CES5A: variants seen among roughly 807,000 people sequenced by gnomAD.
CES5A encodes the protein carboxylesterase 5.
In CES5A, 67 loss-of-function variants were observed where a neutral mutation model predicts 62.9. The observed-to-expected ratio is 1.07, with a 90% confidence interval of 0.88 to 1.31. CES5A has a LOEUF of 1.31. CES5A is among the 50% of genes most tolerant of loss of function. CES5A has a pLI of 0.00. For synonymous variants in CES5A, 296 were observed against 280.8 expected (o/e 1.05, Z -0.54); for missense variants, 748 against 708.5 (o/e 1.06, Z -0.63).
intron 1 of CES5A, among the ~76,000 whole-genome samples, chr16:55,914,483 C>T (rs1262174007): frequency 6.6e-6 from 1 of 152,118 alleles, no homozygotes; most frequent in East Asian, 1.9e-4. Context: ...GAGGCTACGC[C>T]AGGGGATGAA....
chr16:55,896,852 G>C (rs2033939597), intron 1 of CES5A, among the ~76,000 whole-genome samples: 1 of 152,194 alleles, frequency 6.6e-6, no homozygotes, highest in African/African-American at 2.4e-5. Context: ...TTATTATCTT[G>C]TGTAAGGCCC....
intron 1 of CES5A, among the ~76,000 whole-genome samples, chr16:55,914,926 A>C (rs2034130981): frequency 6.6e-6 from 1 of 152,166 alleles, no homozygotes; most frequent in Non-Finnish European, 1.5e-5. Flanking sequence ...GGGAAAGCTC[A>C]GTGACGGGCA....
At chr16:55,945,183 T>C (rs1479886620) in intron 2 of CES5A, among the ~76,000 whole-genome samples, 1 of 150,916 alleles carries the variant, frequency 6.6e-6, no homozygotes, top group African/African-American at 2.5e-5. Context: ...GTACATTATC[T>C]GATTTAATGC....
intron 9 of CES5A, among the ~76,000 whole-genome samples, chr16:55,853,939 T>G (rs2033181521): frequency 6.6e-6 from 1 of 152,110 alleles, no homozygotes; most frequent in African/African-American, 2.4e-5. Context: ...TACACCACAT[T>G]GGGGAATGCT....
intron 2 of CES5A, among the ~76,000 whole-genome samples, chr16:55,872,712 C>T (rs755439174): frequency 6.6e-6 from 1 of 152,176 alleles, no homozygotes; most frequent in African/African-American, 2.4e-5. Context: ...CAGGCCTCAG[C>T]GCTTTCAGCA....
At chr16:55,900,649 G>T (rs1160699377) in intron 1 of CES5A, among the ~76,000 whole-genome samples, 3 of 152,178 alleles carry the variant, frequency 2.0e-5, no homozygotes, top group African/African-American at 4.8e-5. Flanking sequence ...GGCTGAGAAG[G>T]CCCCTGGTGA....
At chr16:55,888,080 C>T (rs1417770748) in intron 1 of CES5A, among the ~76,000 whole-genome samples, 3 of 152,226 alleles carry the variant, frequency 2.0e-5, no homozygotes, top group South Asian at 4.2e-4. Context: ...GAAAGACAAA[C>T]TTGTAGCTTA....
At chr16:55,866,846 TAAAAATAA>T (rs1240022636) in intron 4 of CES5A, among the ~76,000 whole-genome samples, 161 of 151,020 alleles carry the variant, frequency 1.1e-3, no homozygotes, top group African/African-American at 3.8e-3. Flanking sequence ...TCAAAAAAAA[TAAAAATAA>T]AAAAATAAAC....
chr16:55,871,889 G>A (rs766399380), intron 2 of CES5A, 126 bp from the exon 3 acceptor site: 38 of 938,550 alleles, frequency 4.0e-5, no homozygotes, highest in South Asian at 2.4e-4. Context: ...GGCAGCTACC[G>A]GTACAAAGTC....
chr16:55,924,973 T>A (rs1368573082), intron 1 of CES5A, among the ~76,000 whole-genome samples: 1 of 152,050 alleles, frequency 6.6e-6, no homozygotes, highest in East Asian at 1.9e-4. Context: ...ATTTTTTGTA[T>A]AAGACCTCAA....
intron 1 of CES5A, among the ~76,000 whole-genome samples, chr16:55,920,034 T>TC (rs1446358711): frequency 7.9e-5 from 12 of 151,784 alleles, no homozygotes; most frequent in African/African-American, 2.9e-4. Flanking sequence ...CCACCACCCT[T>TC]CCCCCACCAG....
chr16:55,948,470 G>A (rs1007069367), intron 2 of CES5A, among the ~76,000 whole-genome samples: 20 of 152,084 alleles, frequency 1.3e-4, no homozygotes, highest in Non-Finnish European at 8.8e-5. Context: ...GCGGTGGAAG[G>A]GGGGTAAAAT....
chr16:55,955,418 A>G (rs1433186554), intron 1 of CES5A, among the ~76,000 whole-genome samples: 5 of 152,226 alleles, frequency 3.3e-5, no homozygotes, highest in Admixed American at 6.5e-5. Flanking sequence ...GTTTAACTAT[A>G]TAATTGTTTT....
intron 10 of CES5A, among the ~76,000 whole-genome samples, chr16:55,850,776 C>T (rs1429483346): frequency 3.9e-5 from 6 of 152,146 alleles, no homozygotes; most frequent in Non-Finnish European, 7.3e-5. Flanking sequence ...GGAAACTCTA[C>T]GTTTACCTTT....
At chr16:55,918,626 A>G (rs957344527) in intron 1 of CES5A, among the ~76,000 whole-genome samples, 4 of 152,212 alleles carry the variant, frequency 2.6e-5, no homozygotes, top group Non-Finnish European at 5.9e-5. Context: ...CCTATTTTCA[A>G]TGGGGAAAAG....
chr16:55,863,203 G>A (rs530245730), intron 6 of CES5A, 145 bp downstream of exon 6: 4 of 639,410 alleles, frequency 6.3e-6, no homozygotes, highest in South Asian at 1.9e-5. Flanking sequence ...GACCTTTCAC[G>A]GAGGAACAAG....
intron 1 of CES5A, among the ~76,000 whole-genome samples, chr16:55,901,768 T>C (rs2033992664): frequency 6.6e-6 from 1 of 152,236 alleles, no homozygotes; most frequent in Non-Finnish European, 1.5e-5. Flanking sequence ...ATGTAGGATT[T>C]AGGCCAACCC....
chr16:55,939,075 C>A (rs1437371616), intron 2 of CES5A, among the ~76,000 whole-genome samples: 2 of 151,942 alleles, frequency 1.3e-5, no homozygotes, highest in African/African-American at 4.8e-5. Context: ...TTCTAGCTCA[C>A]TTTCCTCAAT....
chr16:55,913,954 G>A (rs953158536), intron 1 of CES5A, among the ~76,000 whole-genome samples: 1 of 152,170 alleles, frequency 6.6e-6, no homozygotes, highest in Non-Finnish European at 1.5e-5. Context: ...CAAGCACAGG[G>A]TGCCCTGTGC....
Sources: allele counts gnomAD v4.1 joint callset (sites outside exome capture counted in the v4.1 genomes callset), GRCh38; gene constraint gnomAD v4.1.1; transcripts MANE v1.5; gene names NCBI Gene and HGNC (gene_info 2026-07-23, HGNC 2026-07-21).